The following RBFOX3 variants were observed in gnomAD, a reference collection of about 807,000 sequenced individuals.
RBFOX3 encodes RNA binding protein fox-1 homolog 3.
RBFOX3 carries 17 observed loss-of-function variants against 48.7 expected under a neutral mutation model. The observed-to-expected ratio is 0.35, with a 90% confidence interval of 0.24 to 0.52. The LOEUF (loss-of-function observed/expected upper bound fraction) is 0.52, where lower values mean the gene tolerates loss of function less well. Among genes scored for constraint, RBFOX3 ranks in the 20% least tolerant of loss-of-function variants. RBFOX3 has a pLI of 0.94. For synonymous variants in RBFOX3, 212 were observed against 209.5 expected, an observed-to-expected ratio of 1.01 and a Z score of -0.10; for missense variants, 382 against 497.5, an observed-to-expected ratio of 0.77 and a Z score of 2.21.
chr17:79,592,067 G>T (rs887541594), intron 1 of RBFOX3, among the ~76,000 whole-genome samples: 1 of 151,032 alleles, frequency 6.6e-6, no homozygotes, highest in East Asian at 2.0e-4. Flanking sequence ...GTGTGCAGGG[G>T]TGGAGTATTT....
chr17:79,645,288 T>A, the RBFOX3 span, among the ~76,000 whole-genome samples: 1 of 152,190 alleles, frequency 6.6e-6, no homozygotes, highest in Non-Finnish European at 1.5e-5. Context: ...AGTGCACCTG[T>A]GTGGTGTGCC....
At chr17:79,357,113 G>A (rs890273051) in intron 2 of RBFOX3, among the ~76,000 whole-genome samples, 3 of 152,328 alleles carry the variant, frequency 2.0e-5, no homozygotes, top group African/African-American at 7.2e-5. Context: ...CACACCCGCT[G>A]GTGACAAACT....
intron 4 of RBFOX3, among the ~76,000 whole-genome samples, chr17:79,192,454 G>A (rs1221994248): frequency 2.0e-5 from 3 of 152,216 alleles, no homozygotes; most frequent in African/African-American, 4.8e-5. Flanking sequence ...GAGCAGCAAA[G>A]CTGCAAGGAG....
chr17:79,282,136 C>T (rs1474807623), intron 3 of RBFOX3, among the ~76,000 whole-genome samples: 1 of 152,100 alleles, frequency 6.6e-6, no homozygotes, highest in Non-Finnish European at 1.5e-5. Flanking sequence ...AGAATCCAGG[C>T]AGTTCTGGAG....
chr17:79,641,133 A>C, the RBFOX3 span, among the ~76,000 whole-genome samples: 2 of 152,274 alleles, frequency 1.3e-5, no homozygotes, highest in Non-Finnish European at 2.9e-5. Context: ...CCAAGTTTAA[A>C]ATGGGCTAAG....
intron 2 of RBFOX3, among the ~76,000 whole-genome samples, chr17:79,454,343 G>C (rs2074097382): frequency 6.6e-6 from 1 of 152,096 alleles, no homozygotes. Context: ...TCCTGCCCCA[G>C]GGCCAGGTGG....
chr17:79,656,683 G>GAAGAAAGGAAAGAA, the RBFOX3 span, among the ~76,000 whole-genome samples: 1 of 39,608 alleles, frequency 2.5e-5, no homozygotes, highest in African/African-American at 5.9e-5. Context: ...GAAGGAAGGA[G>GAAGAAAGGAAAGAA]GGAAGGAAGG....
intron 1 of RBFOX3, among the ~76,000 whole-genome samples, chr17:79,527,181 C>T (rs1256439004): frequency 3.9e-5 from 6 of 152,266 alleles, no homozygotes. Flanking sequence ...TCCTTTAGCT[C>T]GGCTTGGTCT....
chr17:79,285,076 T>C (rs1314196574), intron 3 of RBFOX3, among the ~76,000 whole-genome samples: 3 of 152,206 alleles, frequency 2.0e-5, no homozygotes. Context: ...ATCCACAAAA[T>C]GGGAGTGGTG....
At chr17:79,155,854 G>T (rs146127544) in intron 4 of RBFOX3, among the ~76,000 whole-genome samples, 1 of 152,314 alleles carries the variant, frequency 6.6e-6, no homozygotes, top group Non-Finnish European at 1.5e-5. Context: ...GTGGCTGGGG[G>T]TAGAGCTGTT....
chr17:79,313,852 C>T (rs1296648217), intron 2 of RBFOX3, among the ~76,000 whole-genome samples: 1 of 152,218 alleles, frequency 6.6e-6, no homozygotes, highest in Non-Finnish European at 1.5e-5. Context: ...AGACAAGAGG[C>T]TCCCCTGCTT....
At chr17:79,278,279 G>T (rs1163003365) in intron 3 of RBFOX3, among the ~76,000 whole-genome samples, 2 of 152,230 alleles carry the variant, frequency 1.3e-5, no homozygotes, top group Non-Finnish European at 1.5e-5. Context: ...AGCATCATAG[G>T]ATCACGAGAA....
rs577988224 is a variant in RBFOX3 at position 79,373,097 on chromosome 17, C to T, written c.-174-65273G>A. ...TGGGGCAGAGGCCTGGCCTCCAAAG[C>T]TTGCAGAGACAGGGGTGACGGCAGG... On this transcript the variant is annotated intron_variant, in intron 2 of 14. Transcript: ENST00000693108. Among the ~76,000 whole-genome samples the T allele has an allele frequency of 1.5e-4, 23 of 152,284 alleles. No homozygotes were observed. In the South Asian group the frequency reaches 3.5e-3, roughly 23 times the overall value.
chr17:79,189,158 A>G (rs1184421729), intron 4 of RBFOX3, among the ~76,000 whole-genome samples: 1 of 152,266 alleles, frequency 6.6e-6, no homozygotes, highest in African/African-American at 2.4e-5. Context: ...CTGTAACAAT[A>G]CCTTGTATCT....
intron 4 of RBFOX3, among the ~76,000 whole-genome samples, chr17:79,172,190 AAAAAGAG>A (rs2049467341): frequency 6.6e-6 from 1 of 151,678 alleles, no homozygotes; most frequent in Non-Finnish European, 1.5e-5. Flanking sequence ...AAAAAAAAAA[AAAAAGAG>A]AAAAAGAAAA....
chr17:79,412,322 G>A (rs1464878402), intron 2 of RBFOX3, among the ~76,000 whole-genome samples: 2 of 151,948 alleles, frequency 1.3e-5, no homozygotes, highest in African/African-American at 2.4e-5. Flanking sequence ...GTATATAAAT[G>A]TGTGTGGTGT....
At chr17:79,461,125 G>A (rs1468623899) in intron 2 of RBFOX3, among the ~76,000 whole-genome samples, 1 of 152,140 alleles carries the variant, frequency 6.6e-6, no homozygotes, top group Non-Finnish European at 1.5e-5. Context: ...TCCATGAAAC[G>A]GCAAGCTCCC....
chr17:79,369,956 G>A (rs1012232498), intron 2 of RBFOX3, among the ~76,000 whole-genome samples: 1 of 152,208 alleles, frequency 6.6e-6, no homozygotes, highest in Admixed American at 6.5e-5. Context: ...GGCTGCAGGT[G>A]CACATTTCTC....
chr17:79,092,100 G>GC (rs1343521243), intron 14 of RBFOX3: 82 of 985,392 alleles, frequency 8.3e-5, no homozygotes, highest in Non-Finnish European at 9.6e-5. Flanking sequence ...CTCCCTCCCT[G>GC]CGTCAGGGTG....
Sources: gnomAD v4.1 joint callset for allele counts (sites outside exome capture counted in the v4.1 genomes callset) on GRCh38, gnomAD v4.1.1 for gene constraint, MANE v1.5 for transcripts, NCBI Gene and HGNC (gene_info 2026-07-23, HGNC 2026-07-21) for gene names.